Variants in LCT observed in about 807,000 individuals in gnomAD.
LCT encodes the protein lactase, also known as lactase/phlorizin hydrolase.
In LCT, 90 loss-of-function variants were observed where a neutral mutation model predicts 173.0. The ratio of observed to expected loss-of-function variants is 0.52; its 90% CI spans 0.44 to 0.62. The LOEUF is 0.62. LCT is among the 20% of genes least tolerant of loss of function. LCT has a pLI of 0.00. For synonymous variants in LCT, 853 were observed against 957.6 expected (o/e 0.89, Z 2.02); for missense variants, 1,864 against 2,431.4 (o/e 0.77, Z 4.91).
At position 135,817,839 on chromosome 2, in the gene LCT, C is replaced by A; in HGVS notation, c.1209G>T (p.Glu403Asp). The A allele has an allele frequency of 1.2e-6, 2 of 1,614,112 alleles. No individual in the cohort carries two copies. The highest frequency in any genetic ancestry group is 1.7e-6 in the Non-Finnish European group (2 of 1,180,050). The change falls in exon 6 of 17, where the codon GAG becomes GAT. Residue 403 changes from glutamate to aspartate, a missense_variant. By Grantham distance (45) the Glu-to-Asp change is conservative. Coordinates refer to ENST00000264162, the MANE Select transcript of LCT (RefSeq NM_002299.4). ...CCCAGATGCTCACCCCTCTCCCACCCTCGGCCCAGCCTCCTTCCACGTTAA... is the reference window on the plus strand; with the variant it reads ...CCCAGATGCTCACCCCTCTCCCACCATCGGCCCAGCCTCCTTCCACGTTAA... The part of the protein sequence containing the change: ...GAFNVEGGWA[E>D]GGRGVSIWDP...
intron 1 of LCT, among the ~76,000 whole-genome samples, chr2:135,835,970 A>AAGTG (rs145381504): frequency 0.045 from 5,495 of 122,472 alleles, 300 homozygotes; most frequent in South Asian, 0.1. Flanking sequence ...TCAAAAATAC[A>AAGTG]TGTGTGTATA....
rs1228618798 is a variant in LCT at position 135,836,888 on chromosome 2, T to G, written c.282A>C (p.Ala94=). Reference sequence around the variant, plus strand: ...GGGTGCTTCCTGCTGGGAGGAGCTGTGCCCATGACAGAAATACCTTATAAT... The same window carrying G: ...GGGTGCTTCCTGCTGGGAGGAGCTGGGCCCATGACAGAAATACCTTATAAT... ...ITHYKVFLSW[A]QLLPAGSTQN... is the part of the protein sequence containing the mutation. Residue 94 remains alanine, a synonymous_variant, in exon 1 of 17, where the codon GCA becomes GCC. Transcript: ENST00000264162. The G allele has an allele frequency of 6.2e-7, 1 of 1,614,034 alleles. No individual in the cohort carries two copies. The highest frequency in any genetic ancestry group is 2.2e-5 in the East Asian group (1 of 44,892).
At chr2:135,836,019 T>TATA (rs1444886921) in intron 1 of LCT, among the ~76,000 whole-genome samples, 1 of 110,464 alleles carries the variant, frequency 9.1e-6, no homozygotes. Flanking sequence ...TATATATGTA[T>TATA]ACATATTTTT....
rs1272287301 is a variant in LCT, at chr2:135,833,330, C to T, written c.641-140G>A. ...ACTCTAGCTGAAAGATTTTAGAAGA[C>T]AAGGTGGCTTAAAAAAATAATGTTC... On this transcript the variant is annotated intron_variant, in intron 1 of 16. Transcript: ENST00000264162. The T allele has an allele frequency of 1.5e-4, 108 of 736,566 alleles. 1 individual carries two copies. Among genetic ancestry groups the T allele is most frequent in the Non-Finnish European group, 1.0e-4 (41 of 405,814 alleles). The allele number at this position is 736,566 out of a possible 1,614,324, so 45.6% of individuals were successfully genotyped here.
In LCT at chr2:135,789,357, C is replaced by T. The variant is rs73958637; in HGVS notation, c.5563+214G>A. On this transcript the variant is annotated intron_variant, in intron 16 of 16. Transcript: ENST00000264162. ...AGACCTGCTTATTCCCAGGTCAGGG[C>T]TCTGGTTTCTAGGTGTAACATTGAC... Among the ~76,000 whole-genome samples the T allele has an allele frequency of 0.19, 28,353 of 152,168 alleles. 2,923 individuals are homozygous for T. The highest frequency in any genetic ancestry group is 0.39 in the Middle Eastern group (114 of 294).
At position 135,807,119 on chromosome 2, in the gene LCT, ACTC is replaced by A. The variant is rs375300532; in HGVS notation, c.4173+6_4173+8del. The A allele has an allele frequency of 3.5e-3, 5,670 of 1,613,808 alleles. 52 individuals carry two copies. Among genetic ancestry groups the A allele is most frequent in the South Asian group, 0.019 (1,734 of 91,044 alleles). ...AGTCACTGGTGTCCCACCATCCTGA[ACTC>A]CTCACCTGATATGCAGCAGAAGCTG... On this transcript the variant is annotated splice_donor_region_variant and intron_variant, in intron 9 of 16. Coordinates refer to ENST00000264162, the MANE Select transcript of LCT (RefSeq NM_002299.4).
chr2:135,809,761 G>T lies in LCT; in HGVS notation c.2586C>A (p.Asn862Lys). Reference protein sequence around the residue: ...AKRLLPPNTVNLPSKVRAFTF... With the variant: ...AKRLLPPNTVKLPSKVRAFTF... The stretch of plus-strand genomic sequence containing the variant: ...TGAAGGCTCTGACTTTGGAGGGGAG[G>T]TTTACTGTATTAGGTGGTAGCAGTC... Residue 862 changes from asparagine (N) to lysine (K), a missense_variant, in exon 8 of 17, where the codon AAC becomes AAA. Asn to Lys is a moderately conservative substitution (Grantham distance 94, BLOSUM62 0). This residue lies in a region of LCT where 755 missense variants were observed against 926.3 expected (regional missense o/e 0.82). Transcript: ENST00000264162. The surrounding 1 kb of genome is among the most constrained non-coding windows in gnomAD (Gnocchi z 5.5). The T allele has an allele frequency of 6.2e-7, 1 of 1,614,184 alleles. No homozygotes were observed. Among genetic ancestry groups the T allele is most frequent in the Non-Finnish European group, 8.5e-7 (1 of 1,180,012 alleles).
In LCT at chr2:135,809,215, G is replaced by T; in HGVS notation, c.3132C>A (p.Ser1044Arg). The change falls in exon 8 of 17, where the codon AGC becomes AGA. Residue 1044 changes from serine to arginine, a missense_variant. This residue lies in a region of LCT where 755 missense variants were observed against 926.3 expected (regional missense o/e 0.82). Transcript: ENST00000264162. This position sits in a 1 kb window ranked among gnomAD's most constrained non-coding sequence, Gnocchi z 5.5. The part of the protein sequence containing the change: ...ENPALIDLFD[S>R]YADFCFQTFG... ...AGGTCTGGAAACAAAAGTCTGCGTA[G>T]CTGTCAAACAAGTCAATCAAGGCAG... The T allele has an allele frequency of 6.2e-7, 1 of 1,614,226 alleles. No individual in the cohort carries two copies. Among genetic ancestry groups the T allele is most frequent in the Non-Finnish European group, 8.5e-7 (1 of 1,180,052 alleles).
intron 9 of LCT, among the ~76,000 whole-genome samples, chr2:135,806,110 C>G (rs1312069727): frequency 6.6e-6 from 1 of 152,080 alleles, no homozygotes; most frequent in Non-Finnish European, 1.5e-5. Flanking sequence ...CTCAGCCTCC[C>G]GAGTAGCTGG....
intron 3 of LCT, 115 bp downstream of exon 3, chr2:135,829,478 G>T: frequency 1.2e-6 from 1 of 816,034 alleles, no homozygotes; most frequent in Non-Finnish European, 2.2e-6. Context: ...AACTCAGCCG[G>T]TCTCTGCTGT....
rs147290601 is a variant in LCT at position 135,809,636 on chromosome 2, C to T, written c.2711G>A (p.Arg904Gln). ...ERDLFYHGTF[R>Q]DDFLWGVSSS... ...GGACACGCCCCACAGAAAGTCATCC[C>T]GAAACGTCCCGTGGTAGAACAAATC... Residue 904 changes from arginine (R) to glutamine (Q), a missense_variant, in exon 8 of 17, where the codon CGG becomes CAG. Coordinates refer to ENST00000264162, the MANE Select transcript of LCT (RefSeq NM_002299.4). The surrounding 1 kb of genome is among the most constrained non-coding windows in gnomAD (Gnocchi z 5.5). 5 of 1,614,154 alleles carry T rather than the reference C, an allele frequency of 3.1e-6. No individual in the cohort carries two copies. Among genetic ancestry groups the T allele is most frequent in the East Asian group, 2.2e-5 (1 of 44,882 alleles).
At chr2:135,836,462 T>C (rs1679383822) in intron 1 of LCT, 68 bp downstream of exon 1, 1 of 1,419,204 alleles carries the variant, frequency 7.0e-7, no homozygotes, top group South Asian at 1.1e-5. Flanking sequence ...GAATCTGCTC[T>C]AAGGAGGATG....
intron 3 of LCT, among the ~76,000 whole-genome samples, chr2:135,826,182 A>G (rs1444197408): frequency 6.6e-6 from 1 of 152,186 alleles, no homozygotes. Flanking sequence ...AAGTTTGTCC[A>G]GGGAGAGTTT....
intron 7 of LCT, among the ~76,000 whole-genome samples, chr2:135,811,210 A>T (rs2077731975): frequency 6.6e-6 from 1 of 152,028 alleles, no homozygotes; most frequent in South Asian, 2.1e-4. Flanking sequence ...AATTAAAATT[A>T]AAATAAATAA....
intron 7 of LCT, 42 bp from the exon 8 acceptor site, chr2:135,810,035 T>C: frequency 7.2e-7 from 1 of 1,383,544 alleles, no homozygotes; most frequent in Non-Finnish European, 1.0e-6. Flanking sequence ...ATTTATGGAT[T>C]TATTTAATTG....
Position 135,836,803 on chromosome 2 carries a change from CA to C in LCT, c.366del (p.Ala123HisfsTer43). 1.2e-6 allele frequency: 2 copies of C among 1,614,196 alleles called. No homozygotes were observed. The highest frequency in any genetic ancestry group is 1.7e-6 in the Non-Finnish European group (2 of 1,180,036). ...AGGATGACCATGGGCTGAAGCCGTG[CA>C]GTCTTGAGGGCCTTGAGGAGTCGCC... ...CYRRLLKALK[T>X]ARLQPMVILH... is the part of the protein sequence containing the mutation. On this transcript the variant is annotated frameshift_variant, in exon 1 of 17. Coordinates refer to ENST00000264162, the MANE Select transcript of LCT (RefSeq NM_002299.4). LOFTEE classifies it high-confidence loss of function.
In LCT at chr2:135,812,300, A is replaced by G. The variant is rs757263752; in HGVS notation, c.2353+11T>C. ...CCACCTTCCAATCACTGGCACATCCATTGTTCTTACCCTTGAGCACCTCAT... is the reference window on the plus strand; with the variant it reads ...CCACCTTCCAATCACTGGCACATCCGTTGTTCTTACCCTTGAGCACCTCAT... On this transcript the variant is annotated intron_variant, in intron 7 of 16. Transcript: ENST00000264162. 15 of 1,609,400 alleles carry G rather than the reference A, an allele frequency of 9.3e-6. No homozygotes were observed. In the South Asian group the frequency reaches 1.6e-4, roughly 18 times the overall value.
chr2:135,793,299 CTT>C (rs139771255), intron 14 of LCT, among the ~76,000 whole-genome samples: 1 of 148,830 alleles, frequency 6.7e-6, no homozygotes, highest in East Asian at 1.9e-4. Context: ...TCACAGGACT[CTT>C]TGCAGACATT....
Position 135,790,136 on chromosome 2 carries a change from A to G in LCT, c.5336-338T>C, listed in dbSNP as rs150601923. 2.0e-5 allele frequency among the ~76,000 whole-genome samples: 3 copies of G among 152,350 alleles called. No homozygotes were observed. In the East Asian group the frequency reaches 5.8e-4, roughly 29 times the overall value. On this transcript the variant is annotated intron_variant, in intron 15 of 16. Transcript: ENST00000264162. The surrounding 1 kb of genome is among the most constrained non-coding windows in gnomAD (Gnocchi z 4.1). ...AGAATGTTAATGCTTCTCCCTGTAG[A>G]AAATAGCCCTTAGATAGAATATATT...
Sources: gnomAD v4.1 joint callset for allele counts (sites outside exome capture counted in the v4.1 genomes callset) on GRCh38, gnomAD v4.1.1 for gene constraint, gnomAD v4.1.1 regional missense constraint, Gnocchi (gnomAD v3.1) non-coding constraint, MANE v1.5 for transcripts, NCBI Gene and HGNC (gene_info 2026-07-23, HGNC 2026-07-21) for gene names.